Variants in CDH13 observed in about 807,000 individuals in gnomAD.
CDH13 encodes cadherin 13.
In CDH13, 24 loss-of-function variants were observed where a neutral mutation model predicts 63.8. That is an observed-to-expected ratio of 0.38 (90% confidence interval 0.27 to 0.53). The LOEUF (loss-of-function observed/expected upper bound fraction) is 0.53, where lower values mean the gene tolerates loss of function less well. Ranked by LOEUF, CDH13 falls within the 20% of genes least tolerant of loss-of-function variation. CDH13 has a pLI of 0.85. For synonymous variants in CDH13, 503 were observed against 355.3 expected (o/e 1.42, Z -4.67); for missense variants, 1,049 against 903.1 (o/e 1.16, Z -2.07).
rs989634617 is a variant in CDH13 at position 83,505,156 on chromosome 16, C to T, written c.960+18501C>T. Among the ~76,000 whole-genome samples, 5 of 152,182 alleles carry T rather than the reference C, an allele frequency of 3.3e-5. 1 individual carries two copies. Among genetic ancestry groups the T allele is most frequent in the South Asian group, 4.1e-4 (2 of 4,828 alleles). ...TAGATTTGGACTTGAATTTGGTGCTCTTATTTCCACATTAAGTTAAAATCT... is the reference window on the plus strand; with the variant it reads ...TAGATTTGGACTTGAATTTGGTGCTTTTATTTCCACATTAAGTTAAAATCT... On this transcript the variant is annotated intron_variant, in intron 7 of 13. Transcript: ENST00000567109.
chr16:82,912,455 G>C (rs978633701), intron 2 of CDH13, among the ~76,000 whole-genome samples: 1 of 152,188 alleles, frequency 6.6e-6, no homozygotes, highest in African/African-American at 2.4e-5. Flanking sequence ...CCTTCCCCCA[G>C]ATGACTGGGG....
chr16:82,819,878 T>C (rs2037918473), intron 1 of CDH13, among the ~76,000 whole-genome samples: 1 of 151,994 alleles, frequency 6.6e-6, no homozygotes, highest in South Asian at 2.1e-4. Context: ...TTTTAGAAGG[T>C]GATATATGCA....
intron 1 of CDH13, among the ~76,000 whole-genome samples, chr16:82,648,278 A>G (rs1910331971): frequency 6.6e-6 from 1 of 152,234 alleles, no homozygotes; most frequent in South Asian, 2.1e-4. Context: ...ACAGGAAAAT[A>G]TGTACAAAAT....
intron 1 of CDH13, among the ~76,000 whole-genome samples, chr16:82,722,414 G>T (rs2151023493): frequency 6.6e-6 from 1 of 152,030 alleles, no homozygotes; most frequent in African/African-American, 2.4e-5. Flanking sequence ...AACCCCAGCA[G>T]AGAGAGAGAG....
At chr16:83,673,513 G>A (rs909299247) in intron 9 of CDH13, among the ~76,000 whole-genome samples, 19 of 152,030 alleles carry the variant, frequency 1.2e-4, no homozygotes, top group Non-Finnish European at 2.9e-5. Context: ...ACATCTCGAT[G>A]GACTAGTGAC....
chr16:83,416,864 A>C (rs2071564490), intron 6 of CDH13, among the ~76,000 whole-genome samples: 2 of 152,218 alleles, frequency 1.3e-5, no homozygotes, highest in Admixed American at 1.3e-4. Context: ...GATGGGGATA[A>C]AAATACTTGC....
At chr16:83,546,313 G>A (rs139465066) in intron 7 of CDH13, among the ~76,000 whole-genome samples, 45 of 152,166 alleles carry the variant, frequency 3.0e-4, no homozygotes, top group African/African-American at 8.7e-4. Context: ...TACTTTGTCC[G>A]GAATTCATGC....
At chr16:82,763,140 C>G (rs1369482090) in intron 1 of CDH13, among the ~76,000 whole-genome samples, 2 of 152,294 alleles carry the variant, frequency 1.3e-5, no homozygotes, top group Non-Finnish European at 2.9e-5. Context: ...ATGTGCTGCT[C>G]TTGCTGCTTG....
Position 83,654,744 on chromosome 16 carries a change from C to G in CDH13, c.1102-16046C>G, listed in dbSNP as rs547172703. On this transcript the variant is annotated intron_variant, in intron 8 of 13. Coordinates refer to ENST00000567109, the MANE Select transcript of CDH13 (RefSeq NM_001257.5). ...AATAGTTTCCTATTGCTCCACTCAC[C>G]CCATCATTCGTCCCCTTTCTGCATT... 139 of 152,322 alleles carry G rather than the reference C, an allele frequency of 9.1e-4. 1 individual carries two copies. The highest frequency in any genetic ancestry group is 3.2e-3 in the African/African-American group (135 of 41,552). 9.4% of individuals were successfully genotyped at this position (152,322 alleles called of 1,614,324 possible).
intron 3 of CDH13, among the ~76,000 whole-genome samples, chr16:83,100,727 A>G (rs532593003): frequency 9.2e-5 from 14 of 152,310 alleles, no homozygotes; most frequent in African/African-American, 3.1e-4. Flanking sequence ...GCCAGGTAGG[A>G]TAGACTTGAC....
intron 3 of CDH13, among the ~76,000 whole-genome samples, chr16:83,107,745 T>TA (rs894733539): frequency 6.6e-6 from 1 of 151,932 alleles, no homozygotes; most frequent in African/African-American, 2.4e-5. Context: ...TTTTTTTTTT[T>TA]TTTTTACAAT....
chr16:83,724,046 G>GTGAATGCGTGGGTGAGTGA (rs372984659), intron 10 of CDH13, among the ~76,000 whole-genome samples: 46 of 135,014 alleles, frequency 3.4e-4, no homozygotes, highest in African/African-American at 1.1e-3. Context: ...TGGGTGAGTG[G>GTGAATGCGTGGGTGAGTGA]TGAATGCGTG....
intron 5 of CDH13, among the ~76,000 whole-genome samples, chr16:83,307,184 T>C (rs549878338): frequency 6.6e-6 from 1 of 152,328 alleles, no homozygotes; most frequent in East Asian, 1.9e-4. Context: ...GCCTGTTCCC[T>C]ACCCCCGTGG....
chr16:83,672,823 C>T (rs1378923186), intron 9 of CDH13, among the ~76,000 whole-genome samples: 1 of 152,132 alleles, frequency 6.6e-6, no homozygotes, highest in Non-Finnish European at 1.5e-5. Context: ...TCTATTTACC[C>T]AAGTTTTATC....
chr16:83,714,651 C>G (rs1326425994), intron 10 of CDH13, among the ~76,000 whole-genome samples: 2 of 152,164 alleles, frequency 1.3e-5, no homozygotes, highest in South Asian at 2.1e-4. Flanking sequence ...TAACATATGA[C>G]TATCACAAGA....
chr16:82,645,252 C>G (rs1187701860), intron 1 of CDH13, among the ~76,000 whole-genome samples: 1 of 152,152 alleles, frequency 6.6e-6, no homozygotes, highest in African/African-American at 2.4e-5. Flanking sequence ...GAATGAAAGC[C>G]TCTGGGGGCA....
At position 83,748,465 on chromosome 16, in the gene CDH13, G is replaced by C. The variant is rs546244435; in HGVS notation, c.1681+215G>C. On this transcript the variant is annotated intron_variant, in intron 11 of 13. Coordinates refer to ENST00000567109, the MANE Select transcript of CDH13 (RefSeq NM_001257.5). ...TCTTTTTGGAAAGTGAATAATGTCT[G>C]GTGAGAGGTCAGAGCAATGAACTCA... 4.6e-5 allele frequency among the ~76,000 whole-genome samples: 7 copies of C among 152,280 alleles called. No homozygotes were observed. The South Asian group carries it at 1.5e-3, about 32-fold the overall frequency.
At chr16:83,780,331 T>A in intron 12 of CDH13, 130 bp downstream of exon 12, 1 of 628,074 alleles carries the variant, frequency 1.6e-6, no homozygotes, top group Non-Finnish European at 2.7e-6. Flanking sequence ...TGGCATATTA[T>A]AAATACTGAG....
chr16:83,134,802 G>T (rs980505259), intron 4 of CDH13, among the ~76,000 whole-genome samples: 1 of 152,054 alleles, frequency 6.6e-6, no homozygotes, highest in Non-Finnish European at 1.5e-5. Flanking sequence ...ACATAATCGG[G>T]TGGTTTTGGC....
Sources: gnomAD v4.1 joint callset for allele counts (sites outside exome capture counted in the v4.1 genomes callset) on GRCh38, gnomAD v4.1.1 for gene constraint, MANE v1.5 for transcripts, NCBI Gene and HGNC (gene_info 2026-07-23, HGNC 2026-07-21) for gene names.